Variants in G2E3 observed in about 807,000 individuals in gnomAD.
G2E3 encodes G2/M-phase specific E3 ubiquitin protein ligase.
G2E3 carries 35 observed loss-of-function variants against 92.8 expected under a neutral mutation model. That is an observed-to-expected ratio of 0.38 (90% CI 0.29 to 0.50). G2E3 has a LOEUF of 0.50. Among genes scored for constraint, G2E3 ranks in the 20% least tolerant of loss-of-function variants. G2E3 has a pLI of 0.94. For synonymous variants in G2E3, 242 were observed against 272.4 expected, an observed-to-expected ratio of 0.89 and a Z score of 1.10; for missense variants, 554 against 823.8, an observed-to-expected ratio of 0.67 and a Z score of 4.01.
At chr14:30,563,692 CT>C (rs750119984) in intron 1 of G2E3, among the ~76,000 whole-genome samples, 1 of 112,948 alleles carries the variant, frequency 8.9e-6, no homozygotes, top group African/African-American at 3.9e-5. Flanking sequence ...AACTTTGTTA[CT>C]TTTGTGTGTG....
intron 8 of G2E3, among the ~76,000 whole-genome samples, chr14:30,600,613 T>C (rs562397828): frequency 5.3e-5 from 8 of 152,340 alleles, no homozygotes; most frequent in South Asian, 2.1e-4. Context: ...TTGTATACCA[T>C]TGGTCTCTCA....
At chr14:30,585,270 C>T (rs1424910955) in intron 2 of G2E3, among the ~76,000 whole-genome samples, 2 of 152,042 alleles carry the variant, frequency 1.3e-5, no homozygotes, top group African/African-American at 4.8e-5. Flanking sequence ...ACAGATTTAC[C>T]CTTATTCTTT....
At chr14:30,611,969 T>C (rs900314135) in intron 12 of G2E3, 1 of 345,706 alleles carries the variant, frequency 2.9e-6, no homozygotes, top group Non-Finnish European at 5.3e-6. Flanking sequence ...TTTCCTTTTT[T>C]ATAAATAGTT....
At chr14:30,559,979 A>G (rs12434151) in intron 1 of G2E3, 77,046 of 152,032 alleles carry the variant, frequency 0.51, 22,571 homozygotes, top group Non-Finnish European at 0.67. Flanking sequence ...AACAATAGGG[A>G]TAAGGTTTAG....
At position 30,618,079 on chromosome 14, in the gene G2E3, A is replaced by G. The variant is rs1428747865; in HGVS notation, c.*1545A>G. On this transcript the variant is annotated 3_prime_UTR_variant, in exon 15 of 15. Transcript: ENST00000206595. The stretch of plus-strand genomic sequence containing the variant: ...ACAGAATAGATTTGAAAGAGATAAT[A>G]TATCTCTTAATACCAAAGGAAAACT... 1 of 152,108 alleles carries G rather than the reference A, an allele frequency of 6.6e-6. No individual in the cohort carries two copies. Among genetic ancestry groups the G allele is most frequent in the Non-Finnish European group, 1.5e-5 (1 of 67,954 alleles). 9.4% of individuals were successfully genotyped at this position (152,108 alleles called of 1,614,324 possible).
intron 13 of G2E3, among the ~76,000 whole-genome samples, chr14:30,613,557 T>C (rs948191443): frequency 1.2e-4 from 19 of 152,192 alleles, no homozygotes; most frequent in Admixed American, 1.2e-3. Context: ...TTTGTTATTT[T>C]TAATGGGAAA....
intron 12 of G2E3, among the ~76,000 whole-genome samples, chr14:30,610,766 G>A (rs901966084): frequency 6.6e-6 from 1 of 152,312 alleles, no homozygotes. Context: ...TTACTGTTCT[G>A]TAAAATCCAT....
At chr14:30,560,533 C>G (rs1431878459) in intron 1 of G2E3, 1 of 448,148 alleles carries the variant, frequency 2.2e-6, no homozygotes, top group Non-Finnish European at 3.9e-6. Flanking sequence ...GAGCATTTTT[C>G]ATATAGTGTC....
chr14:30,580,202 G>GT (rs113488056), intron 1 of G2E3, among the ~76,000 whole-genome samples: 65 of 151,094 alleles, frequency 4.3e-4, no homozygotes, highest in South Asian at 6.3e-4. Flanking sequence ...GATTGTTTTT[G>GT]TTTTTTTTTG....
chr14:30,613,293 C>A (rs1028740380), intron 13 of G2E3, among the ~76,000 whole-genome samples: 1 of 152,118 alleles, frequency 6.6e-6, no homozygotes, highest in African/African-American at 2.4e-5. Flanking sequence ...TACCAGATAT[C>A]ATCTCAAACC....
chr14:30,589,339 C>T (rs958060345), intron 3 of G2E3, 44 bp from the exon 4 acceptor site: 5 of 1,092,176 alleles, frequency 4.6e-6, no homozygotes, highest in Admixed American at 1.8e-5. Flanking sequence ...TAATGCCCAA[C>T]TAGTTTCTTA....
chr14:30,583,810 G>A (rs1159284484), intron 2 of G2E3, among the ~76,000 whole-genome samples: 1 of 152,152 alleles, frequency 6.6e-6, no homozygotes, highest in East Asian at 1.9e-4. Flanking sequence ...TCTTAACTCA[G>A]GTCTCTCTGA....
At chr14:30,582,551 T>C (rs1880490476) in intron 2 of G2E3, among the ~76,000 whole-genome samples, 1 of 152,172 alleles carries the variant, frequency 6.6e-6, no homozygotes. Context: ...TTCAGCCAGT[T>C]CACAAGGACT....
chr14:30,608,119 TTTAATG>T, intron 12 of G2E3, 50 bp downstream of exon 12: 1 of 1,064,828 alleles, frequency 9.4e-7, no homozygotes, highest in Non-Finnish European at 1.3e-6. Context: ...CTAGGTATCT[TTTAATG>T]TAAATGACTG....
chr14:30,619,556 A>G lies in G2E3; in HGVS notation c.*3022A>G, dbSNP rs1226311543. The G allele has an allele frequency of 1.3e-5, 2 of 152,190 alleles. No homozygotes were observed. Among genetic ancestry groups the G allele is most frequent in the Non-Finnish European group, 2.9e-5 (2 of 67,980 alleles). The allele number at this position is 152,190 out of a possible 1,614,324, so 9.4% of individuals were successfully genotyped here. On this transcript the variant is annotated 3_prime_UTR_variant, in exon 15 of 15. Transcript: ENST00000206595. ...TCATGCTTCAAGTAATGCAATACAA[A>G]ACATAACCCATTTAATGATGAATTA...
intron 1 of G2E3, among the ~76,000 whole-genome samples, chr14:30,570,383 A>G (rs1879685925): frequency 1.3e-5 from 2 of 152,182 alleles, no homozygotes; most frequent in South Asian, 2.1e-4. Flanking sequence ...TCAGTCTTCC[A>G]TGAAATTTGG....
chr14:30,597,362 A>G (rs1334785439), intron 6 of G2E3, 58 bp from the exon 7 acceptor site: 6 of 849,052 alleles, frequency 7.1e-6, no homozygotes, highest in Admixed American at 1.8e-5. Flanking sequence ...GTTACATAAT[A>G]TATCACCTGA....
At chr14:30,583,387 G>A (rs189520545) in intron 2 of G2E3, among the ~76,000 whole-genome samples, 6 of 152,234 alleles carry the variant, frequency 3.9e-5, no homozygotes, top group Non-Finnish European at 8.8e-5. Flanking sequence ...TTTATGATGA[G>A]GAAATGGAGT....
chr14:30,606,310 T>C (rs1220082899), intron 11 of G2E3, among the ~76,000 whole-genome samples: 1 of 152,088 alleles, frequency 6.6e-6, no homozygotes, highest in Non-Finnish European at 1.5e-5. Flanking sequence ...AAGGTAATTA[T>C]AACAGGCATC....
Sources: gnomAD v4.1 joint callset for allele counts (sites outside exome capture counted in the v4.1 genomes callset) on GRCh38, gnomAD v4.1.1 for gene constraint, MANE v1.5 for transcripts, NCBI Gene and HGNC (gene_info 2026-07-23, HGNC 2026-07-21) for gene names.